The following SAXO1 variants were observed in gnomAD, a reference collection of about 807,000 sequenced individuals.
SAXO1 encodes stabilizer of axonemal microtubules 1, also known as 4930500O09Rik.
In SAXO1, 21 loss-of-function variants were observed where a neutral mutation model predicts 17.5. The observed-to-expected ratio is 1.20, with a 90% CI of 0.85 to 1.72. The LOEUF (loss-of-function observed/expected upper bound fraction) is 1.72. Among genes scored for constraint, SAXO1 ranks in the 40% most tolerant of loss-of-function variants. SAXO1 has a pLI of 0.00. For synonymous variants in SAXO1, 274 were observed against 216.5 expected (o/e 1.27, Z -2.33); for missense variants, 843 against 596.0 (o/e 1.41, Z -4.32).
At chr9:18,990,605 T>C (rs1037571500) in intron 1 of SAXO1, among the ~76,000 whole-genome samples, 8 of 152,228 alleles carry the variant, frequency 5.3e-5, no homozygotes, top group Non-Finnish European at 7.4e-5. Context: ...CATGGACCAG[T>C]ACCGATCCGT....
rs762586595 is a variant in SAXO1, at chr9:18,928,205, A to G, written c.1272T>C (p.Tyr424=). The G allele has an allele frequency of 3.1e-6, 5 of 1,614,152 alleles. No individual in the cohort carries two copies. Among genetic ancestry groups the G allele is most frequent in the Non-Finnish European group, 4.2e-6 (5 of 1,180,018 alleles). Residue 424 remains tyrosine, a synonymous_variant, in exon 4 of 4, where the codon TAT becomes TAC. Transcript: ENST00000380534. ...PKEMGRCLAS[Y]PEPPGYTFEE... The stretch of plus-strand genomic sequence containing the variant: ...CAAAGGTGTAGCCAGGAGGCTCAGG[A>G]TATGAAGCTAGGCACCTGCCCATTT...
chr9:18,995,618 G>A (rs548579019), intron 1 of SAXO1, among the ~76,000 whole-genome samples: 10 of 152,206 alleles, frequency 6.6e-5, no homozygotes, highest in Non-Finnish European at 5.9e-5. Flanking sequence ...CACTTCCAGG[G>A]ACAAAGTCCC....
At chr9:18,951,115 G>C (rs1427796958) in intron 1 of SAXO1, among the ~76,000 whole-genome samples, 178 bp from the exon 2 acceptor site, 5 of 152,160 alleles carry the variant, frequency 3.3e-5, no homozygotes, top group Non-Finnish European at 7.3e-5. Flanking sequence ...AGAATATAAA[G>C]GTGGTCTGTA....
intron 1 of SAXO1, among the ~76,000 whole-genome samples, chr9:18,996,362 T>A (rs1293197952): frequency 6.6e-6 from 1 of 152,250 alleles, no homozygotes; most frequent in Admixed American, 6.5e-5. Context: ...TCTCAGAGTT[T>A]ACTTATGCAA....
At chr9:18,958,205 T>C (rs1363714363) in intron 1 of SAXO1, among the ~76,000 whole-genome samples, 1 of 152,030 alleles carries the variant, frequency 6.6e-6, no homozygotes, top group Non-Finnish European at 1.5e-5. Context: ...GGGTGAATCA[T>C]TTGAGGTCAG....
intron 1 of SAXO1, among the ~76,000 whole-genome samples, chr9:19,021,992 C>A (rs998805907): frequency 6.6e-6 from 1 of 152,226 alleles, no homozygotes; most frequent in African/African-American, 2.4e-5. Context: ...GGGTCGGGTC[C>A]CCTTCCCCAT....
At chr9:18,935,541 AG>A (rs1831248289) in intron 3 of SAXO1, among the ~76,000 whole-genome samples, 1 of 152,134 alleles carries the variant, frequency 6.6e-6, no homozygotes, top group Admixed American at 6.5e-5. Context: ...CTACTCAACC[AG>A]GGATGATGAG....
chr9:19,004,682 C>T (rs1375909536), intron 1 of SAXO1, among the ~76,000 whole-genome samples: 1 of 152,054 alleles, frequency 6.6e-6, no homozygotes, highest in Non-Finnish European at 1.5e-5. Context: ...CACTTGGACA[C>T]AGGGCGGGGA....
At chr9:19,010,498 T>C (rs907989445) in intron 1 of SAXO1, among the ~76,000 whole-genome samples, 28 of 151,770 alleles carry the variant, frequency 1.8e-4, no homozygotes, top group Non-Finnish European at 3.4e-4. Context: ...AAAGAAACCC[T>C]ATAGTCTTTT....
chr9:18,933,370 T>C (rs1427746176), intron 3 of SAXO1, among the ~76,000 whole-genome samples: 1 of 152,240 alleles, frequency 6.6e-6, no homozygotes, highest in East Asian at 1.9e-4. Flanking sequence ...CATAGTTTTA[T>C]AAATATTGAT....
intron 1 of SAXO1, among the ~76,000 whole-genome samples, chr9:18,964,497 T>A (rs1832635227): frequency 6.6e-6 from 1 of 152,218 alleles, no homozygotes; most frequent in Non-Finnish European, 1.5e-5. Context: ...TGGTTTAGTC[T>A]TAGGAGAATG....
In SAXO1 at chr9:19,033,059, G is replaced by C. The variant is rs1835837679; in HGVS notation, c.-151C>G. 3 of 772,138 alleles carry C rather than the reference G, an allele frequency of 3.9e-6. No individual in the cohort carries two copies. The East Asian group carries it at 8.9e-5, about 23-fold the overall frequency. 47.8% of individuals were successfully genotyped at this position (772,138 alleles called of 1,614,324 possible). A position where few individuals can be genotyped will look rare whatever the true frequency, so the allele number is the denominator to read the frequency against. On this transcript the variant is annotated 5_prime_UTR_variant, in exon 1 of 4. Coordinates refer to ENST00000380534, the MANE Select transcript of SAXO1 (RefSeq NM_153707.4). Reference sequence around the variant, plus strand: ...GAAGGAAAATTTAAGTGGCCCTTTTGCAATGTCCTGTCGTCTGTTGCCCTC... The same window carrying C: ...GAAGGAAAATTTAAGTGGCCCTTTTCCAATGTCCTGTCGTCTGTTGCCCTC...
chr9:19,023,368 G>C (rs953442487), intron 1 of SAXO1, among the ~76,000 whole-genome samples: 2 of 152,136 alleles, frequency 1.3e-5, no homozygotes, highest in African/African-American at 2.4e-5. Context: ...ATGCCTTACT[G>C]TGGATGCACG....
In SAXO1 at chr9:19,004,617, C is replaced by T. The variant is rs188659410; in HGVS notation, c.38+28254G>A. 3.2e-3 allele frequency among the ~76,000 whole-genome samples: 489 copies of T among 152,226 alleles called. 10 individuals carry two copies. In the South Asian group the frequency reaches 0.045, roughly 14 times the overall value. On this transcript the variant is annotated intron_variant, in intron 1 of 3. Transcript: ENST00000380534. ...CATTCTTAGCAAACTATCACAAGGA[C>T]GGAAAACCAAACACCACAACTTCTC...
At position 19,032,886 on chromosome 9, in the gene SAXO1, T is replaced by C. The variant is rs1214708584; in HGVS notation, c.23A>G (p.Glu8Gly). MKTKCIC[E>G]LCSCGRHHCP... Reference sequence around the variant, plus strand: ...GCCACCTTACCCGCAGGAGCACAGTTCACAGATGCACTTCGTCTTCATAGG... The same window carrying C: ...GCCACCTTACCCGCAGGAGCACAGTCCACAGATGCACTTCGTCTTCATAGG... Residue 8 changes from glutamate to glycine, a missense_variant, in exon 1 of 4, where the codon GAA (glutamate) becomes GGA (glycine). Physicochemically the swap from Glu to Gly is moderately conservative, Grantham distance 98. Transcript: ENST00000380534. 10 of 1,610,714 alleles carry C rather than the reference T, an allele frequency of 6.2e-6. No individual in the cohort carries two copies. The African/African-American group carries it at 1.1e-4, about 17-fold the overall frequency.
intron 1 of SAXO1, among the ~76,000 whole-genome samples, chr9:18,996,578 T>C (rs563860827): frequency 6.6e-6 from 1 of 152,362 alleles, no homozygotes; most frequent in African/African-American, 2.4e-5. Flanking sequence ...AATGTTCTTA[T>C]GCAGCACATG....
chr9:19,001,561 G>A (rs1055571994), intron 1 of SAXO1, among the ~76,000 whole-genome samples: 1 of 151,966 alleles, frequency 6.6e-6, no homozygotes, highest in Non-Finnish European at 1.5e-5. Flanking sequence ...CAGCTACTCG[G>A]GAGGCTGAGG....
At chr9:18,949,547 G>C (rs79072895) in intron 2 of SAXO1, among the ~76,000 whole-genome samples, 1 of 152,116 alleles carries the variant, frequency 6.6e-6, no homozygotes, top group African/African-American at 2.4e-5. Flanking sequence ...CTGTCCAGTG[G>C]TTTCCACTAA....
At chr9:18,963,924 G>A (rs1832604584) in intron 1 of SAXO1, among the ~76,000 whole-genome samples, 1 of 152,134 alleles carries the variant, frequency 6.6e-6, no homozygotes, top group Admixed American at 6.5e-5. Context: ...TACTGGCTGT[G>A]GGTTTGTCAT....
Sources: allele counts gnomAD v4.1 joint callset (sites outside exome capture counted in the v4.1 genomes callset), GRCh38; gene constraint gnomAD v4.1.1; transcripts MANE v1.5; gene names NCBI Gene and HGNC (gene_info 2026-07-23, HGNC 2026-07-21).